ABCB1: variants seen among roughly 807,000 people sequenced by gnomAD.
The protein encoded by ABCB1 is ATP binding cassette subfamily B member 1.
Under a neutral mutation model 142.0 loss-of-function variants are expected in ABCB1, and 69 were observed. The ratio of observed to expected loss-of-function variants is 0.49; its 90% CI spans 0.40 to 0.59. ABCB1 has a LOEUF of 0.59. Ranked by LOEUF, ABCB1 falls within the 20% of genes least tolerant of loss-of-function variation. The probability of loss-of-function intolerance (pLI) is 0.00; values close to 1 mark genes in which losing one functional copy is unlikely to be tolerated. For synonymous variants in ABCB1, 532 were observed against 539.2 expected (o/e 0.99, Z 0.18); for missense variants, 1,326 against 1,554.7 (o/e 0.85, Z 2.47).
At chr7:87,556,260 G>A (rs1817305423) in intron 8 of ABCB1, among the ~76,000 whole-genome samples, 1 of 151,988 alleles carries the variant, frequency 6.6e-6, no homozygotes, top group Non-Finnish European at 1.5e-5. Context: ...ACTACTTTAA[G>A]AATAAGGAAC....
chr7:87,598,168 T>C (rs1485684607), intron 2 of ABCB1, among the ~76,000 whole-genome samples: 3 of 152,278 alleles, frequency 2.0e-5, no homozygotes, highest in African/African-American at 4.8e-5. Flanking sequence ...AAATCCAATC[T>C]TTTGGACATA....
chr7:87,615,769 A>G (rs1001218472), intron 1 of ABCB1, among the ~76,000 whole-genome samples: 1 of 152,218 alleles, frequency 6.6e-6, no homozygotes, highest in African/African-American at 2.4e-5. Flanking sequence ...ATCAAAGGAG[A>G]AAGGAAAAGA....
intron 7 of ABCB1, among the ~76,000 whole-genome samples, chr7:87,565,640 TA>T (rs28381850): frequency 4.6e-5 from 7 of 150,970 alleles, no homozygotes; most frequent in Non-Finnish European, 8.9e-5. Context: ...AACATTAAAG[TA>T]AAAAAAAATG....
chr7:87,540,501 C>T (rs1211987407), intron 18 of ABCB1, among the ~76,000 whole-genome samples: 1 of 152,180 alleles, frequency 6.6e-6, no homozygotes, highest in South Asian at 2.1e-4. Context: ...AGTGCAGTGG[C>T]ACGATCATGG....
At chr7:87,585,730 T>C in intron 3 of ABCB1, 50 bp from the exon 4 acceptor site, 1 of 1,587,082 alleles carries the variant, frequency 6.3e-7, no homozygotes, top group Non-Finnish European at 8.6e-7. Flanking sequence ...TACAGTTTCA[T>C]GGAAGATTTG....
intron 2 of ABCB1, among the ~76,000 whole-genome samples, chr7:87,599,800 C>T (rs192575312): frequency 4.6e-5 from 7 of 152,250 alleles, no homozygotes; most frequent in African/African-American, 1.7e-4. Context: ...GTGATGTATC[C>T]TTCAAATACC....
chr7:87,596,496 T>C (rs1256680888), intron 2 of ABCB1, among the ~76,000 whole-genome samples: 1 of 152,124 alleles, frequency 6.6e-6, no homozygotes, highest in Non-Finnish European at 1.5e-5. Context: ...CAACTATTAT[T>C]TTGAGCCCAG....
At chr7:87,561,128 C>T in intron 8 of ABCB1, 135 bp downstream of exon 8, 4 of 996,466 alleles carry the variant, frequency 4.0e-6, no homozygotes, top group Middle Eastern at 2.8e-4. Context: ...ATTAGTTATG[C>T]TGTAATACAT....
intron 1 of ABCB1, among the ~76,000 whole-genome samples, chr7:87,680,695 G>A (rs1183626767): frequency 2.7e-5 from 4 of 150,078 alleles, no homozygotes; most frequent in Admixed American, 1.3e-4. Context: ...TTAGGAGGCT[G>A]AAGGCAGGAG....
intron 1 of ABCB1, among the ~76,000 whole-genome samples, chr7:87,631,026 C>G (rs1648647679): frequency 6.6e-6 from 1 of 152,124 alleles, no homozygotes; most frequent in African/African-American, 2.4e-5. Context: ...TATGTGCTAA[C>G]TTTAGTTACA....
chr7:87,651,802 A>G (rs1333148625), intron 1 of ABCB1, among the ~76,000 whole-genome samples: 3 of 152,142 alleles, frequency 2.0e-5, no homozygotes, highest in Non-Finnish European at 4.4e-5. Flanking sequence ...GTTGAGCAGT[A>G]CTGTGGGCCC....
rs1277845808 is a variant in ABCB1, at chr7:87,545,907, G to C, written c.1843C>G (p.Leu615Val). The C allele has an allele frequency of 6.2e-7, 1 of 1,614,096 alleles. No individual in the cohort carries two copies. Among genetic ancestry groups the C allele is most frequent in the Admixed American group, 1.7e-5 (1 of 60,030 alleles). The change falls in exon 15 of 28, where the codon CTC becomes GTC. Residue 615 changes from leucine to valine, a missense_variant. By Grantham distance (32) the Leu-to-Val change is conservative (BLOSUM62 1). Transcript: ENST00000622132. ...VIVEKGNHDE[L>V]MKEKGIYFKL... ...AAGTAAATGCCTTTCTCTTTCATGA[G>C]TTCATCATGATTTCCTTTCTCCACA... is the stretch of plus-strand genomic sequence containing the variant.
intron 1 of ABCB1, among the ~76,000 whole-genome samples, chr7:87,643,517 C>A (rs1042540101): frequency 1.2e-4 from 18 of 151,824 alleles, no homozygotes; most frequent in Non-Finnish European, 2.7e-4. Context: ...TTTGAGAATT[C>A]TTTTTTGGGT....
chr7:87,505,971 G>C lies in ABCB1; in HGVS notation c.3562C>G (p.Arg1188Gly), dbSNP rs139820108. 2.5e-6 allele frequency: 4 copies of C among 1,614,064 alleles called. No homozygotes were observed. The highest frequency in any genetic ancestry group is 3.4e-6 in the Non-Finnish European group (4 of 1,179,942). Residue 1188 changes from arginine to glycine, a missense_variant, in exon 27 of 28, where the codon CGT becomes GGT. By Grantham distance (125) the Arg-to-Gly change is moderately radical. Coordinates refer to ENST00000622132, the MANE Select transcript of ABCB1 (RefSeq NM_001348946.2). ...ATATGAGGCTGTCTAACAAGGGCAC[G>C]AGCTATGGCAATGCGTTGTTTCTGG... The part of the protein sequence containing the change: ...GGQKQRIAIA[R>G]ALVRQPHILL...
At chr7:87,530,838 C>CAAGAAAGAAAGAAAGAAAGAAAGAAAGA (rs1217650542) in intron 21 of ABCB1, among the ~76,000 whole-genome samples, 2 of 71,238 alleles carry the variant, frequency 2.8e-5, no homozygotes, top group Non-Finnish European at 5.2e-5. Flanking sequence ...AGCAAGAAAG[C>CAAGAAAGAAAGAAAGAAAGAAAGAAAGA]AAGAAAGAAA....
intron 7 of ABCB1, among the ~76,000 whole-genome samples, chr7:87,562,897 A>G (rs1316053076): frequency 2.0e-5 from 3 of 152,034 alleles, no homozygotes; most frequent in Middle Eastern, 3.2e-3. Flanking sequence ...CCAAGAGTTC[A>G]CGACCAGCCT....
chr7:87,551,840 G>T (rs1035405209), intron 9 of ABCB1, among the ~76,000 whole-genome samples: 1 of 149,800 alleles, frequency 6.7e-6, no homozygotes, highest in Non-Finnish European at 1.5e-5. Context: ...TCAATGTCTA[G>T]TTTTTTTTTT....
intron 16 of ABCB1, 65 bp from the exon 17 acceptor site, chr7:87,544,340 G>A (rs542107898): frequency 2.1e-4 from 316 of 1,493,372 alleles, no homozygotes; most frequent in Non-Finnish European, 2.7e-4. Flanking sequence ...TCTTACATAC[G>A]CACAAAAATT....
chr7:87,647,941 T>C (rs1823182490), intron 1 of ABCB1, among the ~76,000 whole-genome samples: 1 of 151,872 alleles, frequency 6.6e-6, no homozygotes, highest in Non-Finnish European at 1.5e-5. Flanking sequence ...TCCCAACACT[T>C]TGGGAGGCCA....
Sources: allele counts gnomAD v4.1 joint callset (sites outside exome capture counted in the v4.1 genomes callset), GRCh38; gene constraint gnomAD v4.1.1; transcripts MANE v1.5; gene names NCBI Gene and HGNC (gene_info 2026-07-23, HGNC 2026-07-21).